CHST10: variants seen among roughly 807,000 people sequenced by gnomAD.
The protein encoded by CHST10 is HNK-1 sulfotransferase.
A neutral mutation model predicts 34.7 loss-of-function variants in CHST10; 24 were observed. The ratio of observed to expected loss-of-function variants is 0.69; its 90% CI spans 0.50 to 0.97. The LOEUF (loss-of-function observed/expected upper bound fraction) is 0.97, where lower values mean the gene tolerates loss of function less well. Ranked by LOEUF, CHST10 falls within the 50% of genes least tolerant of loss-of-function variation. The pLI, the probability that CHST10 is intolerant of heterozygous loss-of-function variation, is 0.00. For missense variants in CHST10, 402 were observed against 452.1 expected (o/e 0.89, Z 1.00); for synonymous variants, 161 against 169.3 (o/e 0.95, Z 0.38).
chr2:100,406,246 C>T (rs1200730197), intron 3 of CHST10, among the ~76,000 whole-genome samples: 5 of 152,214 alleles, frequency 3.3e-5, no homozygotes, highest in Admixed American at 2.0e-4. Flanking sequence ...CAACTGCGAG[C>T]CTGAGAGGCG....
Position 100,393,025 on chromosome 2 carries a change from C to T in CHST10, c.*220G>A, listed in dbSNP as rs6732016. The stretch of plus-strand genomic sequence containing the variant: ...CAAAGGCCAGCGACATCCTAATGCA[C>T]GCAGGGGTGTGGGCAGGGTCCTCAG... On this transcript the variant is annotated 3_prime_UTR_variant, in exon 7 of 7. Coordinates refer to ENST00000264249, the MANE Select transcript of CHST10 (RefSeq NM_004854.5). The T allele has an allele frequency of 0.014, 8,041 of 586,062 alleles. 479 individuals are homozygous for T. The highest frequency in any genetic ancestry group is 0.13 in the African/African-American group (7,074 of 53,652). 36.3% of individuals were successfully genotyped at this position (586,062 alleles called of 1,614,324 possible). A position where few individuals can be genotyped will look rare whatever the true frequency, so the allele number is the denominator to read the frequency against.
In CHST10 at chr2:100,393,472, G is replaced by T; in HGVS notation, c.844C>A (p.His282Asn). 6.2e-7 allele frequency: 1 copy of T among 1,614,150 alleles called. No individual in the cohort carries two copies. Residue 282 changes from histidine to asparagine, a missense_variant, in exon 7 of 7, where the codon CAC becomes AAC. Physicochemically the swap from His to Asn is moderately conservative, Grantham distance 68. Coordinates refer to ENST00000264249, the MANE Select transcript of CHST10 (RefSeq NM_004854.5). ...GCATCGTCCTCCAGGGTCTCGTGGT[G>T]TCCAATCACACTGTACATTATCTCA... ...PCEIMYSVIG[H>N]HETLEDDAPY...
At chr2:100,408,984 G>A (rs1292016130) in intron 2 of CHST10, among the ~76,000 whole-genome samples, 1 of 152,126 alleles carries the variant, frequency 6.6e-6, no homozygotes, top group Non-Finnish European at 1.5e-5. Context: ...TCCTGGCTCT[G>A]AGTGTCCTGG....
At position 100,392,333 on chromosome 2, in the gene CHST10, G is replaced by A. The variant is rs1456162408; in HGVS notation, c.*912C>T. On this transcript the variant is annotated 3_prime_UTR_variant, in exon 7 of 7. Coordinates refer to ENST00000264249, the MANE Select transcript of CHST10 (RefSeq NM_004854.5). ...TTCAGCCCCAACATGGGAGCTCCCT[G>A]GAGAAGACAGGTGGAGATTCACTGC... The A allele has an allele frequency of 2.6e-5, 4 of 152,432 alleles. No homozygotes were observed. The highest frequency in any genetic ancestry group is 5.9e-5 in the Non-Finnish European group (4 of 68,094). The allele number at this position is 152,432 out of a possible 1,614,324, so 9.4% of individuals were successfully genotyped here.
At chr2:100,397,045 C>T (rs923972279) in intron 5 of CHST10, among the ~76,000 whole-genome samples, 8 of 152,130 alleles carry the variant, frequency 5.3e-5, no homozygotes, top group African/African-American at 1.2e-4. Flanking sequence ...GAGTGACCAC[C>T]GACTCTGTGG....
In CHST10 at chr2:100,402,494, G is replaced by A. The variant is rs146169126; in HGVS notation, c.192+70C>T. 9.4e-4 allele frequency: 1,193 copies of A among 1,272,600 alleles called. 9 individuals carry two copies. Among genetic ancestry groups the A allele is most frequent in the Middle Eastern group, 4.7e-3 (18 of 3,828 alleles). 78.8% of individuals were successfully genotyped at this position (1,272,600 alleles called of 1,614,324 possible). On this transcript the variant is annotated intron_variant, in intron 4 of 6. Transcript: ENST00000264249. ...GATGACAAGCGGAACCAGCCACAGG[G>A]GAAGGCCAGCTCCCCGCGACAAGGG...
chr2:100,403,121 A>T (rs1367460528), intron 3 of CHST10, among the ~76,000 whole-genome samples: 1 of 152,224 alleles, frequency 6.6e-6, no homozygotes, highest in African/African-American at 2.4e-5. Context: ...CTAATTAGAA[A>T]ATAGGTACGA....
At chr2:100,395,007 C>A (rs1358985840) in intron 6 of CHST10, among the ~76,000 whole-genome samples, 5 of 152,148 alleles carry the variant, frequency 3.3e-5, no homozygotes, top group Non-Finnish European at 7.3e-5. Context: ...GCATGAGCCA[C>A]TGCGCCCAGC....
At chr2:100,396,844 T>C (rs981191957) in intron 5 of CHST10, among the ~76,000 whole-genome samples, 1 of 152,248 alleles carries the variant, frequency 6.6e-6, no homozygotes, top group African/African-American at 2.4e-5. Context: ...TGCTTCACAC[T>C]GTGGTGGCTG....
intron 3 of CHST10, among the ~76,000 whole-genome samples, chr2:100,403,618 T>C (rs7566156): frequency 0.019 from 2,844 of 152,238 alleles, 97 homozygotes; most frequent in African/African-American, 0.063. Context: ...TGCACACCAC[T>C]GATGGGGGTT....
At position 100,415,052 on chromosome 2, in the gene CHST10, T is replaced by TG. The variant is rs1676009166; in HGVS notation, c.-45dup. 1 of 1,303,788 alleles carries TG rather than the reference T, an allele frequency of 7.7e-7. No individual in the cohort carries two copies. Among genetic ancestry groups the TG allele is most frequent in the African/African-American group, 1.5e-5 (1 of 65,952 alleles). 80.8% of individuals were successfully genotyped at this position (1,303,788 alleles called of 1,614,324 possible). Reference sequence around the variant, plus strand: ...TCTCCTTCACGTACCTTCTGCAGCCTGGGGCTCACATTTCCTTGCTGTGTT... The same window carrying TG: ...TCTCCTTCACGTACCTTCTGCAGCCTGGGGGCTCACATTTCCTTGCTGTGTT... On this transcript the variant is annotated 5_prime_UTR_variant, in exon 2 of 7. Coordinates refer to ENST00000264249, the MANE Select transcript of CHST10 (RefSeq NM_004854.5).
chr2:100,406,171 C>A (rs1448655442), intron 3 of CHST10, among the ~76,000 whole-genome samples: 2 of 152,166 alleles, frequency 1.3e-5, no homozygotes, highest in Non-Finnish European at 2.9e-5. Flanking sequence ...CATGTGGCCA[C>A]CACACGGGCA....
intron 4 of CHST10, among the ~76,000 whole-genome samples, chr2:100,399,224 C>T (rs971034130): frequency 1.1e-4 from 16 of 152,232 alleles, no homozygotes; most frequent in African/African-American, 3.6e-4. Context: ...CTGCCTCAGC[C>T]TCTCGAGTAG....
rs1423590087 is a variant in CHST10, at chr2:100,392,128, C to A, written c.*1117G>T. ...TGCCAGGAAGCCGCACTGCTGGAGG[C>A]TACCTGGGCGCTGGGTTTTATTGCT... On this transcript the variant is annotated 3_prime_UTR_variant, in exon 7 of 7. Transcript: ENST00000264249. 1 of 152,806 alleles carries A rather than the reference C, an allele frequency of 6.5e-6. No individual in the cohort carries two copies. The highest frequency in any genetic ancestry group is 2.4e-5 in the African/African-American group (1 of 41,462). The allele number at this position is 152,806 out of a possible 1,614,324, so 9.5% of individuals were successfully genotyped here.
At chr2:100,393,859 G>A in intron 6 of CHST10, 77 bp from the exon 7 acceptor site, 3 of 1,219,874 alleles carry the variant, frequency 2.5e-6, no homozygotes, top group Non-Finnish European at 3.5e-6. Flanking sequence ...AGGGAAGAAT[G>A]AGCGGAGTGC....
At chr2:100,415,138 AGCATTATT>A in intron 1 of CHST10, 27 bp from the exon 2 acceptor site, 2 of 1,203,782 alleles carry the variant, frequency 1.7e-6, no homozygotes, top group Non-Finnish European at 2.2e-6. Flanking sequence ...AAAAAAAAAA[AGCATTATT>A]AAAAGTTACA....
chr2:100,412,462 C>G (rs924125965), intron 2 of CHST10, among the ~76,000 whole-genome samples: 5 of 141,242 alleles, frequency 3.5e-5, no homozygotes, highest in African/African-American at 1.6e-4. Context: ...CCAAGAAATA[C>G]AGTGATACCC....
chr2:100,400,533 C>T (rs577812551), intron 4 of CHST10, among the ~76,000 whole-genome samples: 123 of 152,350 alleles, frequency 8.1e-4, no homozygotes, highest in African/African-American at 2.7e-3. Flanking sequence ...AGCCACCATG[C>T]CCAGCTAAAG....
At chr2:100,401,934 C>A (rs1573184191) in intron 4 of CHST10, among the ~76,000 whole-genome samples, 1 of 152,166 alleles carries the variant, frequency 6.6e-6, no homozygotes, top group Admixed American at 6.5e-5. Flanking sequence ...CCCTCTAGAT[C>A]CAGAATGGGG....
Sources: allele counts gnomAD v4.1 joint callset (sites outside exome capture counted in the v4.1 genomes callset), GRCh38; gene constraint gnomAD v4.1.1; transcripts MANE v1.5; gene names NCBI Gene and HGNC (gene_info 2026-07-23, HGNC 2026-07-21).